Variants in ZMAT3 observed in about 807,000 individuals in gnomAD.
ZMAT3 encodes the protein zinc finger matrin-type protein 3.
Under a neutral mutation model 32.3 loss-of-function variants are expected in ZMAT3, and 17 were observed. The observed-to-expected ratio is 0.53, with a 90% CI of 0.36 to 0.79. ZMAT3 has a LOEUF of 0.79. Ranked by LOEUF, ZMAT3 falls within the 30% of genes least tolerant of loss-of-function variation. The pLI is 0.00. For synonymous variants in ZMAT3, 120 were observed against 133.1 expected (o/e 0.90, Z 0.68); for missense variants, 329 against 359.7 (o/e 0.91, Z 0.69).
At chr3:179,039,356 T>G (rs559252131) in intron 2 of ZMAT3, among the ~76,000 whole-genome samples, 3 of 152,226 alleles carry the variant, frequency 2.0e-5, no homozygotes, top group Non-Finnish European at 4.4e-5. Flanking sequence ...GGGATGCAGA[T>G]TCCGGAGGAA....
At chr3:179,065,126 T>A (rs961615810) in intron 2 of ZMAT3, among the ~76,000 whole-genome samples, 1 of 152,206 alleles carries the variant, frequency 6.6e-6, no homozygotes, top group African/African-American at 2.4e-5. Context: ...ATACCCAAAC[T>A]TTTCATTTTC....
At chr3:179,039,105 C>T (rs1300314681) in intron 2 of ZMAT3, among the ~76,000 whole-genome samples, 2 of 152,250 alleles carry the variant, frequency 1.3e-5, no homozygotes, top group Admixed American at 1.3e-4. Context: ...GGCCTACTGC[C>T]TCCAGACTCC....
intron 2 of ZMAT3, among the ~76,000 whole-genome samples, chr3:179,064,200 A>G (rs537062423): frequency 9.2e-5 from 14 of 152,388 alleles, no homozygotes; most frequent in Middle Eastern, 3.4e-3. Flanking sequence ...ATCACTTCAC[A>G]CAAATGTGTT....
intron 4 of ZMAT3, 34 bp from the exon 5 acceptor site, chr3:179,027,557 TCTA>T (rs1346069619): frequency 1.9e-6 from 3 of 1,613,846 alleles, no homozygotes; most frequent in African/African-American, 1.3e-5. Flanking sequence ...GAGTGAGTCT[TCTA>T]AACAAGAATC....
rs1237221828 is a variant in ZMAT3, at chr3:179,021,539, A to T, written c.*3478T>A. ...TATGGATGATTACCGAAATCTAAGT[A>T]TTTTTTTTTCTAATTTTTGTTGTTG... On this transcript the variant is annotated 3_prime_UTR_variant, in exon 6 of 6. Coordinates refer to ENST00000311417, the MANE Select transcript of ZMAT3 (RefSeq NM_022470.4). 2 of 151,570 alleles carry T rather than the reference A, an allele frequency of 1.3e-5. No individual in the cohort carries two copies. The highest frequency in any genetic ancestry group is 2.4e-5 in the African/African-American group (1 of 41,232). 9.4% of individuals were successfully genotyped at this position (151,570 alleles called of 1,614,324 possible).
intron 2 of ZMAT3, among the ~76,000 whole-genome samples, chr3:179,049,767 C>T (rs934322641): frequency 1.1e-4 from 16 of 152,032 alleles, no homozygotes; most frequent in East Asian, 5.8e-4. Context: ...CCAAGGCAGG[C>T]GGATCACGAG....
intron 2 of ZMAT3, among the ~76,000 whole-genome samples, chr3:179,031,696 C>A (rs2108541968): frequency 6.6e-6 from 1 of 152,138 alleles, no homozygotes; most frequent in South Asian, 2.1e-4. Flanking sequence ...GACCTGAGGT[C>A]AGGAGTTCGA....
rs1429883352 is a variant in ZMAT3 at position 179,019,780 on chromosome 3, A to G, written c.*5237T>C. 6.6e-6 allele frequency: 1 copy of G among 152,140 alleles called. No individual in the cohort carries two copies. Among genetic ancestry groups the G allele is most frequent in the African/African-American group, 2.4e-5 (1 of 41,446 alleles). 9.4% of individuals were successfully genotyped at this position (152,140 alleles called of 1,614,324 possible). On this transcript the variant is annotated 3_prime_UTR_variant, in exon 6 of 6. Coordinates refer to ENST00000311417, the MANE Select transcript of ZMAT3 (RefSeq NM_022470.4). ...ATAGAAATGAACTAACACAATTAATAATTATTGTGCCAGTCTCTTCGCTTT... is the reference window on the plus strand; with the variant it reads ...ATAGAAATGAACTAACACAATTAATGATTATTGTGCCAGTCTCTTCGCTTT...
chr3:179,067,578 G>A lies in ZMAT3; in HGVS notation c.175C>T (p.Gln59Ter). The A allele has an allele frequency of 6.2e-7, 1 of 1,614,174 alleles. No homozygotes were observed. The highest frequency in any genetic ancestry group is 8.5e-7 in the Non-Finnish European group (1 of 1,180,036). ...GEEELSKGGE[Q>*]DCALEELCKP... Reference sequence around the variant, plus strand: ...CATAGCTCCTCCAGGGCACAGTCTTGCTCCCCTCCCTTCGATAACTCTTCT... The same window carrying A: ...CATAGCTCCTCCAGGGCACAGTCTTACTCCCCTCCCTTCGATAACTCTTCT... The change falls in exon 2 of 6, where the codon CAA becomes TAA. Residue 59 changes from glutamine (Q) to a stop codon, truncating the protein, a stop_gained. Coordinates refer to ENST00000311417, the MANE Select transcript of ZMAT3 (RefSeq NM_022470.4). LOFTEE classifies it high-confidence loss of function.
chr3:179,034,456 A>G (rs1013739635), intron 2 of ZMAT3, among the ~76,000 whole-genome samples: 1 of 152,166 alleles, frequency 6.6e-6, no homozygotes, highest in East Asian at 1.9e-4. Flanking sequence ...CTCCTCCTCT[A>G]TCAGACCTCT....
chr3:179,039,483 G>A (rs1214946493), intron 2 of ZMAT3, among the ~76,000 whole-genome samples: 2 of 152,182 alleles, frequency 1.3e-5, no homozygotes, highest in Admixed American at 1.3e-4. Context: ...CAGACCTGCA[G>A]CTGAGGGACC....
intron 2 of ZMAT3, among the ~76,000 whole-genome samples, chr3:179,048,985 C>G (rs996919176): frequency 2.6e-5 from 4 of 152,084 alleles, no homozygotes; most frequent in Non-Finnish European, 4.4e-5. Flanking sequence ...AAAAGATATT[C>G]TATGCAAATG....
intron 2 of ZMAT3, among the ~76,000 whole-genome samples, chr3:179,065,258 T>A (rs776705322): frequency 1.3e-5 from 2 of 152,204 alleles, no homozygotes; most frequent in Non-Finnish European, 2.9e-5. Context: ...ACTTAAAAAT[T>A]CTGATTTTTG....
rs1285619544 is a variant in ZMAT3, at chr3:179,024,613, A to C, written c.*404T>G. On this transcript the variant is annotated 3_prime_UTR_variant, in exon 6 of 6. Transcript: ENST00000311417. The stretch of plus-strand genomic sequence containing the variant: ...CAACCTATTTTTACTGTGATCTAAA[A>C]AGAATTCAGTACAATTCTTTAACAG... 2.4e-5 allele frequency: 4 copies of C among 169,712 alleles called. No homozygotes were observed. The highest frequency in any genetic ancestry group is 1.1e-4 in the Admixed American group (2 of 18,092). The allele number at this position is 169,712 out of a possible 1,614,324, so 10.5% of individuals were successfully genotyped here.
rs1478638634 is a variant in ZMAT3, at chr3:179,032,150, G to A, written c.271-1151C>T. ...GCCGAGTGCCTGCGATTGCAGGTGT[G>A]CGCCGCCACGCCTGACTGGTTTTCG... On this transcript the variant is annotated intron_variant, in intron 2 of 5. Transcript: ENST00000311417. 7.3e-5 allele frequency among the ~76,000 whole-genome samples: 11 copies of A among 150,964 alleles called. No individual in the cohort carries two copies. The South Asian group carries it at 1.1e-3, about 15-fold the overall frequency.
At chr3:179,028,052 A>T (rs1027263915) in intron 3 of ZMAT3, among the ~76,000 whole-genome samples, 58 of 152,354 alleles carry the variant, frequency 3.8e-4, no homozygotes, top group African/African-American at 1.3e-3. Flanking sequence ...TGCTGTCGCC[A>T]CTGAAGACAT....
At position 179,027,652 on chromosome 3, in the gene ZMAT3, G is replaced by A. The variant is rs764491538; in HGVS notation, c.551C>T (p.Ser184Leu). The A allele has an allele frequency of 3.3e-5, 53 of 1,613,990 alleles. No individual in the cohort carries two copies. Among genetic ancestry groups the A allele is most frequent in the Non-Finnish European group, 4.4e-5 (52 of 1,180,020 alleles). Residue 184 changes from serine to leucine, a missense_variant, in exon 4 of 6, where the codon TCA (serine) becomes TTA (leucine). Ser to Leu is a moderately radical substitution (Grantham distance 145, BLOSUM62 -2). Coordinates refer to ENST00000311417, the MANE Select transcript of ZMAT3 (RefSeq NM_022470.4). ...AGAAAATGGCAATACCTACGAGAAT[G>A]AGTTACTCTGAGCTTCCGCCAGCCG... is the stretch of plus-strand genomic sequence containing the variant. ...RLRLAEAQSN[S>L]FSESSELGQR... is the part of the protein sequence containing the mutation.
At chr3:179,027,919 T>C (rs1318426195) in intron 3 of ZMAT3, 107 bp from the exon 4 acceptor site, 21 of 1,126,422 alleles carry the variant, frequency 1.9e-5, no homozygotes, top group Non-Finnish European at 2.0e-5. Flanking sequence ...GGATATGGCA[T>C]GACCACAAGC....
chr3:179,063,858 C>T (rs1721270161), intron 2 of ZMAT3, among the ~76,000 whole-genome samples: 2 of 152,156 alleles, frequency 1.3e-5, no homozygotes, highest in Admixed American at 1.3e-4. Context: ...AAAAATAAAA[C>T]AATAGCTAAT....
Sources: allele counts gnomAD v4.1 joint callset (sites outside exome capture counted in the v4.1 genomes callset), GRCh38; gene constraint gnomAD v4.1.1; transcripts MANE v1.5; gene names NCBI Gene and HGNC (gene_info 2026-07-23, HGNC 2026-07-21).